DHX29: variants seen among roughly 807,000 people sequenced by gnomAD.
DHX29 encodes the protein ATP-dependent RNA helicase DHX29.
A neutral mutation model predicts 167.9 loss-of-function variants in DHX29; 79 were observed. The ratio of observed to expected loss-of-function variants is 0.47; its 90% CI spans 0.39 to 0.57. DHX29 has a LOEUF of 0.57. DHX29 is among the 20% of genes least tolerant of loss of function. DHX29 has a pLI of 0.00. For missense variants in DHX29, 1,347 were observed against 1,593.4 expected (o/e 0.85, Z 2.63); for synonymous variants, 530 against 546.0 (o/e 0.97, Z 0.41).
At chr5:55,279,163 G>A (rs1409921456) in intron 12 of DHX29, among the ~76,000 whole-genome samples, 4 of 152,198 alleles carry the variant, frequency 2.6e-5, no homozygotes, top group South Asian at 2.1e-4. Flanking sequence ...CAGTGAATAC[G>A]GAGAAAAGTA....
intron 16 of DHX29, among the ~76,000 whole-genome samples, chr5:55,274,212 G>A (rs1746991466): frequency 6.6e-6 from 1 of 151,836 alleles, no homozygotes; most frequent in Non-Finnish European, 1.5e-5. Flanking sequence ...TGGGCAACAG[G>A]GGGAGACCTT....
chr5:55,268,706 G>GT (rs1373692767), intron 21 of DHX29, among the ~76,000 whole-genome samples: 2 of 151,642 alleles, frequency 1.3e-5, no homozygotes, highest in African/African-American at 4.9e-5. Context: ...GCTTGATAAA[G>GT]TTGTAAAGCT....
rs894538409 is a variant in DHX29, at chr5:55,269,700, T to C, written c.3070-63A>G. The C allele has an allele frequency of 1.2e-4, 167 of 1,357,638 alleles. 1 individual carries two copies. Among genetic ancestry groups the C allele is most frequent in the Non-Finnish European group, 2.1e-6 (2 of 967,164 alleles). The allele number at this position is 1,357,638 out of a possible 1,614,324, so 84.1% of individuals were successfully genotyped here. A position where few individuals can be genotyped will look rare whatever the true frequency, so the allele number is the denominator to read the frequency against. ...AAAGAATGAACACTACCCAATGAGA[T>C]GTTAGTGGAACTAAATTTGACTTCA... On this transcript the variant is annotated intron_variant, in intron 20 of 26. Coordinates refer to ENST00000251636, the MANE Select transcript of DHX29 (RefSeq NM_019030.4).
intron 1 of DHX29, among the ~76,000 whole-genome samples, chr5:55,302,777 T>A (rs905799483): frequency 5.3e-5 from 8 of 152,150 alleles, no homozygotes; most frequent in African/African-American, 1.9e-4. Context: ...TGAAAAATGA[T>A]CAGAGAAATC....
At chr5:55,270,031 A>C (rs1746773231) in intron 20 of DHX29, among the ~76,000 whole-genome samples, 1 of 152,050 alleles carries the variant, frequency 6.6e-6, no homozygotes, top group Non-Finnish European at 1.5e-5. Flanking sequence ...TCTTTGTTTT[A>C]GGGAGCTGCC....
intron 12 of DHX29, among the ~76,000 whole-genome samples, chr5:55,280,895 C>G (rs1298358716): frequency 6.6e-6 from 1 of 152,176 alleles, no homozygotes; most frequent in East Asian, 1.9e-4. Context: ...GTCCTATGTG[C>G]CAGTGAAACT....
At chr5:55,283,028 G>C (rs1457584300) in intron 11 of DHX29, 175 bp downstream of exon 11, 1 of 550,576 alleles carries the variant, frequency 1.8e-6, no homozygotes, top group African/African-American at 1.9e-5. Flanking sequence ...CTTCTCATAG[G>C]ACAGTGGCAT....
At chr5:55,263,278 C>T (rs1368235038) in intron 23 of DHX29, among the ~76,000 whole-genome samples, 1 of 152,084 alleles carries the variant, frequency 6.6e-6, no homozygotes, top group Non-Finnish European at 1.5e-5. Flanking sequence ...GGATGGTCAG[C>T]ATTGAGAAAG....
At chr5:55,257,968 T>C (rs2111767392) in intron 26 of DHX29, among the ~76,000 whole-genome samples, 1 of 152,336 alleles carries the variant, frequency 6.6e-6, no homozygotes, top group East Asian at 1.9e-4. Context: ...TCCAGCAGTA[T>C]AGGAAAATTA....
intron 26 of DHX29, among the ~76,000 whole-genome samples, chr5:55,256,976 G>T (rs1000010383): frequency 6.6e-6 from 1 of 152,150 alleles, no homozygotes; most frequent in Non-Finnish European, 1.5e-5. Context: ...GTATGAGCAA[G>T]GAAGAAAGAA....
intron 25 of DHX29, 73 bp downstream of exon 25, chr5:55,261,295 T>C (rs1746301272): frequency 5.4e-6 from 4 of 735,894 alleles, no homozygotes; most frequent in Non-Finnish European, 8.7e-6. Flanking sequence ...CCAATAAAAT[T>C]TAAAAAATGT....
chr5:55,297,963 C>T (rs1416595214), intron 2 of DHX29, among the ~76,000 whole-genome samples: 1 of 151,986 alleles, frequency 6.6e-6, no homozygotes, highest in African/African-American at 2.4e-5. Context: ...AATATCTTCC[C>T]TTTGTTACTT....
chr5:55,276,525 G>T (rs1579776239), intron 13 of DHX29, 119 bp from the exon 14 acceptor site: 1 of 806,172 alleles, frequency 1.2e-6, no homozygotes, highest in Non-Finnish European at 1.9e-6. Context: ...AGAATATTAT[G>T]AAAAAAAATT....
At chr5:55,302,910 G>A (rs1748679573) in intron 1 of DHX29, among the ~76,000 whole-genome samples, 1 of 152,136 alleles carries the variant, frequency 6.6e-6, no homozygotes, top group African/African-American at 2.4e-5. Flanking sequence ...TTGTGTTTAA[G>A]ATGGTGGAAG....
At position 55,276,281 on chromosome 5, in the gene DHX29, T is replaced by C; in HGVS notation, c.2412A>G (p.Gly804=). 1.3e-6 allele frequency: 2 copies of C among 1,578,188 alleles called. No individual in the cohort carries two copies. Among genetic ancestry groups the C allele is most frequent in the Non-Finnish European group, 1.7e-6 (2 of 1,170,074 alleles). Residue 804 remains glycine, a synonymous_variant, in exon 14 of 27, where the codon GGA becomes GGG. Transcript: ENST00000251636. ...VTINVTSKAG[G]IKKYQEYIPV... is the part of the protein sequence containing the mutation. ...TTCTTTTTACCTGATATTTTTTTAT[T>C]CCCCCTGCTTTGCTTGTAACATTAA...
intron 16 of DHX29, 189 bp from the exon 17 acceptor site, chr5:55,273,566 AATT>A (rs1358326486): frequency 3.2e-6 from 2 of 626,076 alleles, no homozygotes; most frequent in South Asian, 6.6e-5. Flanking sequence ...AATATAAACA[AATT>A]ATGCGAATAG....
At chr5:55,306,329 C>T (rs1276076288) in intron 1 of DHX29, among the ~76,000 whole-genome samples, 3 of 152,166 alleles carry the variant, frequency 2.0e-5, no homozygotes, top group African/African-American at 7.2e-5. Context: ...ATGTTCATTA[C>T]GCCCGCCTGG....
In DHX29 at chr5:55,282,587, T is replaced by C. The variant is rs146326743; in HGVS notation, c.1965+616A>G. 1.1e-4 allele frequency among the ~76,000 whole-genome samples: 17 copies of C among 152,304 alleles called. No homozygotes were observed. In the East Asian group the frequency reaches 3.1e-3, roughly 28 times the overall value. On this transcript the variant is annotated intron_variant, in intron 11 of 26. Coordinates refer to ENST00000251636, the MANE Select transcript of DHX29 (RefSeq NM_019030.4). The stretch of plus-strand genomic sequence containing the variant: ...CAATTCAAAGTATAAATAATCAGAA[T>C]TACATGAACTTGCAATTTGTCATAT...
intron 25 of DHX29, 71 bp from the exon 26 acceptor site, chr5:55,260,015 G>T: frequency 1.2e-6 from 1 of 802,282 alleles, no homozygotes. Context: ...GTAAATCAAG[G>T]CAAGCCTATA....
Sources: gnomAD v4.1 joint callset for allele counts (sites outside exome capture counted in the v4.1 genomes callset) on GRCh38, gnomAD v4.1.1 for gene constraint, MANE v1.5 for transcripts, NCBI Gene and HGNC (gene_info 2026-07-23, HGNC 2026-07-21) for gene names.